The following TAFA1 variants were observed in gnomAD, a reference collection of about 807,000 sequenced individuals.
TAFA1 encodes the protein chemokine-like protein TAFA-1.
Under a neutral mutation model 18.5 loss-of-function variants are expected in TAFA1, and 4 were observed. The ratio of observed to expected loss-of-function variants is 0.22; its 90% confidence interval spans 0.11 to 0.49. The LOEUF (loss-of-function observed/expected upper bound fraction) is 0.49, where lower values mean the gene tolerates loss of function less well. TAFA1 is among the 20% of genes least tolerant of loss of function. The probability of loss-of-function intolerance (pLI) is 0.98; values close to 1 mark genes in which losing one functional copy is unlikely to be tolerated. For missense variants in TAFA1, 147 were observed against 169.0 expected, an observed-to-expected ratio of 0.87 and a Z score of 0.72; for synonymous variants, 56 against 55.2, an observed-to-expected ratio of 1.01 and a Z score of -0.06.
intron 2 of TAFA1, among the ~76,000 whole-genome samples, chr3:68,122,460 G>T (rs184428938): frequency 1.3e-5 from 2 of 152,074 alleles, no homozygotes; most frequent in Non-Finnish European, 2.9e-5. Flanking sequence ...AAAAAGAATC[G>T]CAAATGAAGA....
At chr3:68,091,655 A>G (rs951900705) in intron 2 of TAFA1, among the ~76,000 whole-genome samples, 1 of 152,122 alleles carries the variant, frequency 6.6e-6, no homozygotes, top group Admixed American at 6.6e-5. Flanking sequence ...ACCACTACAA[A>G]TGAATGAATG....
At chr3:68,206,449 A>G (rs1178520164) in intron 2 of TAFA1, among the ~76,000 whole-genome samples, 1 of 151,916 alleles carries the variant, frequency 6.6e-6, no homozygotes, top group Non-Finnish European at 1.5e-5. Context: ...CTCATGTTTT[A>G]TAAAAAATAT....
chr3:68,319,234 T>C (rs2068659088), intron 2 of TAFA1, among the ~76,000 whole-genome samples: 1 of 152,204 alleles, frequency 6.6e-6, no homozygotes, highest in Non-Finnish European at 1.5e-5. Flanking sequence ...AAAATTTGAA[T>C]TACTTCAAAC....
intron 3 of TAFA1, among the ~76,000 whole-genome samples, chr3:68,474,400 G>T (rs1167234818): frequency 6.6e-6 from 1 of 152,124 alleles, no homozygotes; most frequent in Non-Finnish European, 1.5e-5. Context: ...TTCCACACCT[G>T]TGCCCCATTA....
intron 2 of TAFA1, among the ~76,000 whole-genome samples, chr3:68,261,435 A>C (rs1246647294): frequency 2.6e-5 from 4 of 152,172 alleles, no homozygotes; most frequent in African/African-American, 9.7e-5. Context: ...AAAGGATTAT[A>C]AATCATGCTG....
chr3:68,039,409 G>A (rs946432932), intron 2 of TAFA1, among the ~76,000 whole-genome samples: 15 of 152,126 alleles, frequency 9.9e-5, no homozygotes, highest in Non-Finnish European at 1.8e-4. Context: ...TGTGCAAGGA[G>A]AGTCATAATA....
At chr3:68,046,674 A>G (rs1210130902) in intron 2 of TAFA1, among the ~76,000 whole-genome samples, 5 of 152,168 alleles carry the variant, frequency 3.3e-5, no homozygotes, top group African/African-American at 4.8e-5. Flanking sequence ...AATTCACATA[A>G]CACTTTATAT....
chr3:68,036,160 G>T (rs1430940604), intron 2 of TAFA1, among the ~76,000 whole-genome samples: 1 of 152,168 alleles, frequency 6.6e-6, no homozygotes, highest in African/African-American at 2.4e-5. Context: ...GAATTTTACA[G>T]CCAGGCACGC....
chr3:68,001,678 C>T (rs1704285433), upstream of TAFA1, among the ~76,000 whole-genome samples: 1 of 151,242 alleles, frequency 6.6e-6, no homozygotes, highest in Non-Finnish European at 1.5e-5. Context: ...GTGTATAATG[C>T]TCTCCTCATG....
At chr3:68,254,356 C>T (rs753728883) in intron 2 of TAFA1, among the ~76,000 whole-genome samples, 7 of 151,914 alleles carry the variant, frequency 4.6e-5, no homozygotes, top group African/African-American at 9.7e-5. Context: ...CCACCTAAGA[C>T]GATTGTTAGT....
chr3:68,480,149 T>C (rs897446756), intron 3 of TAFA1, among the ~76,000 whole-genome samples: 7 of 151,800 alleles, frequency 4.6e-5, no homozygotes, highest in Non-Finnish European at 8.8e-5. Flanking sequence ...TCCTAGCACT[T>C]TGGGAGGCCA....
At chr3:68,157,635 G>A (rs2065880406) in intron 2 of TAFA1, among the ~76,000 whole-genome samples, 1 of 151,922 alleles carries the variant, frequency 6.6e-6, no homozygotes, top group African/African-American at 2.4e-5. Flanking sequence ...ACTCATATGT[G>A]GTCTCTTTAG....
chr3:68,055,130 T>C (rs2064517780), intron 2 of TAFA1, among the ~76,000 whole-genome samples: 1 of 152,022 alleles, frequency 6.6e-6, no homozygotes, highest in Non-Finnish European at 1.5e-5. Context: ...AAAAAAGAGT[T>C]AATTACCAAG....
chr3:68,237,958 C>G (rs2066948063), intron 2 of TAFA1, among the ~76,000 whole-genome samples: 2 of 151,868 alleles, frequency 1.3e-5, no homozygotes, highest in African/African-American at 2.4e-5. Flanking sequence ...TGTGTCTGCC[C>G]TCCTTGCTTT....
chr3:68,002,929 G>GT (rs1436340949), upstream of TAFA1, among the ~76,000 whole-genome samples: 18 of 152,258 alleles, frequency 1.2e-4, no homozygotes, highest in Admixed American at 1.0e-3. Context: ...TCTGGTGAAG[G>GT]TTTGATAAAC....
intron 2 of TAFA1, among the ~76,000 whole-genome samples, chr3:68,030,324 A>T (rs1490976140): frequency 1.3e-5 from 2 of 151,998 alleles, no homozygotes; most frequent in African/African-American, 4.8e-5. Flanking sequence ...GGTTTGTTAC[A>T]TAAGTATATA....
intron 2 of TAFA1, among the ~76,000 whole-genome samples, chr3:68,378,963 C>T (rs2069874927): frequency 6.6e-6 from 1 of 152,140 alleles, no homozygotes; most frequent in Non-Finnish European, 1.5e-5. Flanking sequence ...AGCCTCTTTC[C>T]TTTCTAAATT....
chr3:68,452,522 C>CAAAAAAAAAA (rs10663334), intron 3 of TAFA1, among the ~76,000 whole-genome samples: 1 of 113,378 alleles, frequency 8.8e-6, no homozygotes, highest in Non-Finnish European at 1.8e-5. Context: ...AACTCTCTCT[C>CAAAAAAAAAA]AAAAAAAAAA....
At chr3:68,531,970 T>G (rs1273520964) in intron 3 of TAFA1, among the ~76,000 whole-genome samples, 1 of 152,222 alleles carries the variant, frequency 6.6e-6, no homozygotes, top group Non-Finnish European at 1.5e-5. Context: ...ATTATTGCAT[T>G]GACTATCTTA....
Sources: gnomAD v4.1 joint callset for allele counts (sites outside exome capture counted in the v4.1 genomes callset) on GRCh38, gnomAD v4.1.1 for gene constraint, MANE v1.5 for transcripts, NCBI Gene and HGNC (gene_info 2026-07-23, HGNC 2026-07-21) for gene names.